The following PCDH15 variants were observed in gnomAD, a reference collection of about 807,000 sequenced individuals.
The protein encoded by PCDH15 is protocadherin-15.
PCDH15 carries 129 observed loss-of-function variants against 178.5 expected under a neutral mutation model. That is an observed-to-expected ratio of 0.72 (90% CI 0.63 to 0.84). The LOEUF (loss-of-function observed/expected upper bound fraction) is 0.84, where lower values mean the gene tolerates loss of function less well. Ranked by LOEUF, PCDH15 falls within the 40% of genes least tolerant of loss-of-function variation. The probability of loss-of-function intolerance (pLI) is 0.00; values close to 1 mark genes in which losing one functional copy is unlikely to be tolerated. For synonymous variants in PCDH15, 800 were observed against 732.0 expected, an observed-to-expected ratio of 1.09 and a Z score of -1.50; for missense variants, 2,230 against 2,099.9, an observed-to-expected ratio of 1.06 and a Z score of -1.21.
intron 1 of PCDH15, among the ~76,000 whole-genome samples, chr10:55,311,480 A>G (rs895210970): frequency 6.6e-6 from 1 of 152,196 alleles, no homozygotes; most frequent in African/African-American, 2.4e-5. Flanking sequence ...AGTGCCTGGC[A>G]TATATTAGTG....
intron 3 of PCDH15, among the ~76,000 whole-genome samples, chr10:54,493,446 C>A (rs1034127729): frequency 6.6e-6 from 1 of 151,450 alleles, no homozygotes; most frequent in African/African-American, 2.4e-5. Flanking sequence ...TATCCTGTCA[C>A]CCCTGCATAG....
chr10:55,561,179 C>T (rs1842191062), intron 2 of PCDH15, among the ~76,000 whole-genome samples: 1 of 151,774 alleles, frequency 6.6e-6, no homozygotes, highest in Non-Finnish European at 1.5e-5. Flanking sequence ...GGTAAAAGTA[C>T]ATGTCTAAAA....
chr10:54,037,020 T>C (rs1032731729), intron 18 of PCDH15, among the ~76,000 whole-genome samples: 2 of 151,846 alleles, frequency 1.3e-5, no homozygotes, highest in African/African-American at 2.4e-5. Context: ...GTGATAGACA[T>C]GGTGAGAACT....
chr10:53,817,673 C>T (rs922540247), intron 34 of PCDH15, among the ~76,000 whole-genome samples: 2 of 151,622 alleles, frequency 1.3e-5, no homozygotes, highest in East Asian at 1.9e-4. Flanking sequence ...AGGCAGTAAT[C>T]CTAGTTTCTA....
At chr10:54,220,190 C>T (rs1487240201) in intron 9 of PCDH15, among the ~76,000 whole-genome samples, 2 of 152,130 alleles carry the variant, frequency 1.3e-5, no homozygotes, top group South Asian at 2.1e-4. Flanking sequence ...ATTTTCATTT[C>T]CCAGAGAGTA....
intron 5 of PCDH15, among the ~76,000 whole-genome samples, chr10:54,353,438 A>C (rs1037126941): frequency 2.0e-5 from 3 of 152,150 alleles, no homozygotes; most frequent in Admixed American, 6.6e-5. Flanking sequence ...CAGTATGTTG[A>C]GTTTTGACAA....
chr10:54,399,716 C>T (rs1951704008), intron 3 of PCDH15, among the ~76,000 whole-genome samples: 3 of 152,058 alleles, frequency 2.0e-5, no homozygotes, highest in Admixed American at 1.3e-4. Context: ...AAGAGAATCA[C>T]CATGAGGAAT....
chr10:55,033,364 C>T (rs1339184208), intron 2 of PCDH15, among the ~76,000 whole-genome samples: 1 of 152,152 alleles, frequency 6.6e-6, no homozygotes, highest in East Asian at 1.9e-4. Flanking sequence ...CAAAGCCATG[C>T]TAATAGGGTC....
At chr10:54,941,863 C>G (rs1838071907) in intron 2 of PCDH15, among the ~76,000 whole-genome samples, 1 of 151,986 alleles carries the variant, frequency 6.6e-6, no homozygotes, top group Non-Finnish European at 1.5e-5. Context: ...ATGATTCAGC[C>G]TTGGGAATGT....
chr10:55,036,797 G>A (rs563198020), intron 2 of PCDH15, among the ~76,000 whole-genome samples: 1 of 152,190 alleles, frequency 6.6e-6, no homozygotes, highest in South Asian at 2.1e-4. Context: ...TAAAAAACAA[G>A]CATATTGTTA....
At chr10:55,537,887 T>G (rs1411421481) in intron 2 of PCDH15, among the ~76,000 whole-genome samples, 4 of 152,242 alleles carry the variant, frequency 2.6e-5, no homozygotes, top group Non-Finnish European at 4.4e-5. Flanking sequence ...ATTTGTTTTT[T>G]ATTTATCGAT....
chr10:54,585,602 C>A, intron 2 of PCDH15: 1 of 175,798 alleles, frequency 5.7e-6, no homozygotes, highest in East Asian at 1.5e-4. Flanking sequence ...ATCAGTCCTC[C>A]TAGCAATATG....
At chr10:54,544,688 A>G (rs1288769917) in intron 2 of PCDH15, among the ~76,000 whole-genome samples, 1 of 152,188 alleles carries the variant, frequency 6.6e-6, no homozygotes, top group African/African-American at 2.4e-5. Context: ...ATTTCTTACT[A>G]TAAAACCAGC....
upstream of PCDH15, among the ~76,000 whole-genome samples, chr10:54,804,944 T>TA (rs1401774282): frequency 4.4e-5 from 6 of 135,708 alleles, no homozygotes; most frequent in African/African-American, 1.3e-4. Context: ...TATATATATA[T>TA]ATATACAGAG....
intron 5 of PCDH15, among the ~76,000 whole-genome samples, chr10:54,361,241 A>G (rs1297814680): frequency 1.3e-5 from 2 of 152,132 alleles, no homozygotes; most frequent in East Asian, 3.9e-4. Context: ...AACTGCATGT[A>G]CAAGTGGACC....
intron 18 of PCDH15, among the ~76,000 whole-genome samples, chr10:54,065,139 C>A (rs780468835): frequency 1.3e-5 from 2 of 152,178 alleles, no homozygotes; most frequent in Non-Finnish European, 2.9e-5. Context: ...GCAAGAAAAT[C>A]CAAAAACTTG....
rs1049832476 is a variant in PCDH15, at chr10:54,845,057, G to A, written c.-29+52393C>T. Among the ~76,000 whole-genome samples, 12 of 151,822 alleles carry A rather than the reference G, an allele frequency of 7.9e-5. No individual in the cohort carries two copies. In the East Asian group the frequency reaches 1.4e-3, roughly 17 times the overall value. On this transcript the variant is annotated intron_variant, in intron 3 of 5. Coordinates refer to the PCDH15 transcript ENST00000458638. Reference sequence around the variant, plus strand: ...ATTTATAATTTTAATTTAAAATTACGTTTAATAAGGGATTTTAAAATAATT... The same window carrying A: ...ATTTATAATTTTAATTTAAAATTACATTTAATAAGGGATTTTAAAATAATT...
chr10:53,961,667 A>C, intron 22 of PCDH15, 85 bp downstream of exon 22: 1 of 1,032,612 alleles, frequency 9.7e-7, no homozygotes, highest in African/African-American at 1.7e-5. Context: ...AATTGAAAGA[A>C]AAAAATGTGC....
At chr10:54,375,873 GAAACGGAATATAT>G (rs1565118711) in intron 4 of PCDH15, among the ~76,000 whole-genome samples, 11 of 121,806 alleles carry the variant, frequency 9.0e-5, no homozygotes, top group African/African-American at 2.8e-4. Flanking sequence ...ATATATTTTT[GAAACGGAATATAT>G]ATATATATAT....
Sources: allele counts gnomAD v4.1 joint callset (sites outside exome capture counted in the v4.1 genomes callset), GRCh38; gene constraint gnomAD v4.1.1; transcripts MANE v1.5; gene names NCBI Gene and HGNC (gene_info 2026-07-23, HGNC 2026-07-21).